The following CNST variants were observed in gnomAD, a reference collection of about 807,000 sequenced individuals.
CNST encodes the protein consortin, connexin sorting protein.
CNST carries 39 observed loss-of-function variants against 72.4 expected under a neutral mutation model. That is an observed-to-expected ratio of 0.54 (90% CI 0.42 to 0.70). The LOEUF is 0.70. Among genes scored for constraint, CNST ranks in the 30% least tolerant of loss-of-function variants. CNST has a pLI of 0.00. For missense variants in CNST, 871 were observed against 868.5 expected (o/e 1.00, Z -0.04); for synonymous variants, 332 against 320.1 (o/e 1.04, Z -0.40).
In CNST at chr1:246,625,854, T is replaced by C. The variant is rs758808025; in HGVS notation, c.585+4220T>C. On this transcript the variant is annotated intron_variant, in intron 3 of 10. Transcript: ENST00000366513. The stretch of plus-strand genomic sequence containing the variant: ...TCCCACCACTCCCCCAAAATTGCAC[T>C]GTAAAAGTCACCAGTGATTTCCATG... Among the ~76,000 whole-genome samples, 13 of 152,172 alleles carry C rather than the reference T, an allele frequency of 8.5e-5. 1 individual carries two copies. Among genetic ancestry groups the C allele is most frequent in the Non-Finnish European group, 1.6e-4 (11 of 68,018 alleles).
intron 4 of CNST, chr1:246,632,129 C>T (rs1258606818): frequency 2.2e-6 from 1 of 450,632 alleles, no homozygotes. Context: ...CTAGAACCAT[C>T]CAAAGTTTAC....
intron 8 of CNST, 85 bp downstream of exon 8, chr1:246,642,122 C>T: frequency 2.6e-6 from 1 of 381,198 alleles, no homozygotes; most frequent in Non-Finnish European, 4.4e-6. Context: ...TGAATTGCTG[C>T]AAAGGATCTG....
chr1:246,623,898 CA>C (rs201954021), intron 3 of CNST, among the ~76,000 whole-genome samples: 23 of 138,698 alleles, frequency 1.7e-4, no homozygotes, highest in Admixed American at 2.1e-4. Flanking sequence ...CTTGTCTCTA[CA>C]AAAAAAAAAA....
At chr1:246,605,867 C>G (rs1282711563) in intron 2 of CNST, 1 of 144,812 alleles carries the variant, frequency 6.9e-6, no homozygotes, top group Admixed American at 7.0e-5. Context: ...CCGGCCGGCC[C>G]TCTTCCTGCT....
intron 9 of CNST, 126 bp from the exon 10 acceptor site, chr1:246,660,073 T>C (rs1667003676): frequency 2.8e-6 from 2 of 721,292 alleles, no homozygotes; most frequent in East Asian, 5.3e-5. Context: ...ATGTTATTTT[T>C]TTCTATAGGA....
chr1:246,648,068 A>C (rs749975824), intron 9 of CNST, 31 bp downstream of exon 9: 2 of 1,563,586 alleles, frequency 1.3e-6, no homozygotes. Flanking sequence ...AATTAAAAGT[A>C]AAATGGCATT....
chr1:246,592,719 A>G (rs1661622295), intron 2 of CNST, among the ~76,000 whole-genome samples: 1 of 152,238 alleles, frequency 6.6e-6, no homozygotes, highest in Non-Finnish European at 1.5e-5. Flanking sequence ...CAGCAGGTAA[A>G]TAAAATACAG....
chr1:246,612,634 C>T (rs958247525), intron 2 of CNST, among the ~76,000 whole-genome samples: 2 of 152,122 alleles, frequency 1.3e-5, no homozygotes, highest in African/African-American at 2.4e-5. Flanking sequence ...ATCCAATAAT[C>T]CTAGCACTTT....
At chr1:246,626,451 CTT>C (rs74163468) in intron 3 of CNST, among the ~76,000 whole-genome samples, 1 of 79,958 alleles carries the variant, frequency 1.3e-5, no homozygotes, top group African/African-American at 4.8e-5. Context: ...TAGGTTTGTC[CTT>C]TTTTTTTTTT....
chr1:246,647,245 C>T lies in CNST; in HGVS notation c.1044C>T (p.Ser348=), dbSNP rs761690256. The T allele has an allele frequency of 1.9e-5, 31 of 1,614,054 alleles. No homozygotes were observed. The African/African-American group carries it at 4.0e-4, about 21-fold the overall frequency. ...CCHQMDVQTD[S]PSLSVTAGKD... ...ATCAGATGGACGTGCAAACAGATTCCCCAAGCCTTTCGGTAACTGCAGGAA... is the reference window on the plus strand; with the variant it reads ...ATCAGATGGACGTGCAAACAGATTCTCCAAGCCTTTCGGTAACTGCAGGAA... The change falls in exon 9 of 11, where the codon TCC becomes TCT. Residue 348 remains serine (S), a synonymous_variant. Coordinates refer to ENST00000366513, the MANE Select transcript of CNST (RefSeq NM_152609.3).
chr1:246,652,815 TA>T (rs1666539620), intron 9 of CNST, among the ~76,000 whole-genome samples: 1 of 150,604 alleles, frequency 6.6e-6, no homozygotes, highest in Non-Finnish European at 1.5e-5. Flanking sequence ...CCATCCTGGC[TA>T]ACACGGTGAA....
chr1:246,647,982 C>T lies in CNST; in HGVS notation c.1781C>T (p.Ser594Phe), dbSNP rs1156927161. The part of the protein sequence containing the change: ...ASYSLQENLP[S>F]DESCLSLDDL... Reference sequence around the variant, plus strand: ...TATAGTCTCCAGGAGAATCTGCCTTCTGATGAGAGCTGTCTTTCTCTTGAT... The same window carrying T: ...TATAGTCTCCAGGAGAATCTGCCTTTTGATGAGAGCTGTCTTTCTCTTGAT... The change falls in exon 9 of 11, where the codon TCT becomes TTT. Residue 594 changes from serine (S) to phenylalanine (F), a missense_variant. Coordinates refer to ENST00000366513, the MANE Select transcript of CNST (RefSeq NM_152609.3). The T allele has an allele frequency of 1.2e-6, 2 of 1,613,602 alleles. No individual in the cohort carries two copies. Among genetic ancestry groups the T allele is most frequent in the Non-Finnish European group, 1.7e-6 (2 of 1,180,034 alleles).
rs150282537 is a variant in CNST, at chr1:246,617,725, C to A, written c.380-3704C>A. On this transcript the variant is annotated intron_variant, in intron 2 of 10. Coordinates refer to ENST00000366513, the MANE Select transcript of CNST (RefSeq NM_152609.3). Reference sequence around the variant, plus strand: ...TGGCAACAGTTTTCTAATATGAGTTCTTTACCCCATTAATGCTGTGAAACT... The same window carrying A: ...TGGCAACAGTTTTCTAATATGAGTTATTTACCCCATTAATGCTGTGAAACT... Among the ~76,000 whole-genome samples the A allele has an allele frequency of 4.5e-3, 679 of 152,292 alleles. 3 individuals are homozygous for A. Among genetic ancestry groups the A allele is most frequent in the South Asian group, 9.7e-3 (47 of 4,828 alleles).
intron 3 of CNST, among the ~76,000 whole-genome samples, chr1:246,630,153 C>T (rs568286724): frequency 2.6e-5 from 4 of 152,320 alleles, no homozygotes; most frequent in African/African-American, 7.2e-5. Context: ...AGCTTGACAT[C>T]GGCCATGGTG....
chr1:246,589,556 A>G (rs920332358), intron 1 of CNST, among the ~76,000 whole-genome samples: 1 of 152,052 alleles, frequency 6.6e-6, no homozygotes, highest in Non-Finnish European at 1.5e-5. Context: ...GCTATTGTGA[A>G]TAGTGCCACA....
intron 6 of CNST, among the ~76,000 whole-genome samples, chr1:246,636,875 C>G (rs1318606547): frequency 2.6e-5 from 4 of 152,176 alleles, no homozygotes; most frequent in Non-Finnish European, 5.9e-5. Flanking sequence ...AGGATTGTTG[C>G]ATCTTTCCTC....
At chr1:246,622,219 A>C (rs988327989) in intron 3 of CNST, among the ~76,000 whole-genome samples, 2 of 152,172 alleles carry the variant, frequency 1.3e-5, no homozygotes, top group African/African-American at 4.8e-5. Context: ...ATAAGCATCT[A>C]CCAGGCACCA....
intron 2 of CNST, chr1:246,605,758 C>T (rs1328966461): frequency 8.0e-6 from 1 of 124,656 alleles, no homozygotes; most frequent in Admixed American, 8.0e-5. Context: ...GCGTGTCTTC[C>T]GGCCGGGGTA....
chr1:246,626,451 C>CTTTTTTTTTTTTTTTT (rs74163468), intron 3 of CNST, among the ~76,000 whole-genome samples: 1 of 79,920 alleles, frequency 1.3e-5, no homozygotes, highest in Non-Finnish European at 2.3e-5. Context: ...TAGGTTTGTC[C>CTTTTTTTTTTTTTTTT]TTTTTTTTTT....
Sources: gnomAD v4.1 joint callset for allele counts (sites outside exome capture counted in the v4.1 genomes callset) on GRCh38, gnomAD v4.1.1 for gene constraint, MANE v1.5 for transcripts, NCBI Gene and HGNC (gene_info 2026-07-23, HGNC 2026-07-21) for gene names.